KLF17: variants seen among roughly 807,000 people sequenced by gnomAD.
KLF17 encodes KLF transcription factor 17, also known as Krueppel-like factor 17.
In KLF17, 31 loss-of-function variants were observed where a neutral mutation model predicts 34.2. The ratio of observed to expected loss-of-function variants is 0.91; its 90% CI spans 0.68 to 1.22. The LOEUF (loss-of-function observed/expected upper bound fraction) is 1.22, where lower values mean the gene tolerates loss of function less well. KLF17 is among the 50% of genes most tolerant of loss of function. The pLI, the probability that KLF17 is intolerant of heterozygous loss-of-function variation, is 0.00. For synonymous variants in KLF17, 179 were observed against 186.7 expected, an observed-to-expected ratio of 0.96 and a Z score of 0.34; for missense variants, 478 against 505.2, an observed-to-expected ratio of 0.95 and a Z score of 0.52.
At chr1:44,091,587 C>T in the KLF17 span, among the ~76,000 whole-genome samples, 131 of 128,048 alleles carry the variant, frequency 1.0e-3, 2 homozygotes, top group East Asian at 0.029. Context: ...ACCTGGGAGG[C>T]GGAGGTTGCA....
At chr1:44,131,465 C>T (rs529727854) in intron 3 of KLF17, among the ~76,000 whole-genome samples, 71 of 152,266 alleles carry the variant, frequency 4.7e-4, no homozygotes, top group African/African-American at 1.7e-3. Flanking sequence ...ATCCATGTGA[C>T]CTTGAGAAAG....
intron 1 of KLF17, among the ~76,000 whole-genome samples, chr1:44,123,328 C>T (rs1232912215): frequency 6.6e-6 from 1 of 152,154 alleles, no homozygotes; most frequent in Non-Finnish European, 1.5e-5. Context: ...TCTCAAAATG[C>T]TCAGCCTGTA....
the KLF17 span, among the ~76,000 whole-genome samples, chr1:44,074,081 T>G: frequency 2.0e-5 from 3 of 151,920 alleles, no homozygotes; most frequent in Non-Finnish European, 4.4e-5. Flanking sequence ...CATGCTCAGT[T>G]CTCATTCTAC....
chr1:44,126,773 G>A (rs1290932827), intron 1 of KLF17, among the ~76,000 whole-genome samples: 2 of 152,114 alleles, frequency 1.3e-5, no homozygotes, highest in Non-Finnish European at 2.9e-5. Flanking sequence ...AGGCTCTAGA[G>A]GCACACGTTG....
the KLF17 span, among the ~76,000 whole-genome samples, chr1:44,072,388 G>A: frequency 6.6e-6 from 1 of 152,078 alleles, no homozygotes; most frequent in East Asian, 1.9e-4. Flanking sequence ...TGTGTGGGTG[G>A]TATTTAAAAC....
the KLF17 span, among the ~76,000 whole-genome samples, chr1:44,067,736 G>A: frequency 6.6e-5 from 10 of 152,244 alleles, no homozygotes; most frequent in Middle Eastern, 6.8e-3. Flanking sequence ...GCAGCTCACT[G>A]TCACAGCAAC....
the KLF17 span, among the ~76,000 whole-genome samples, chr1:44,083,895 A>G: frequency 1.3e-5 from 2 of 151,948 alleles, no homozygotes; most frequent in African/African-American, 4.8e-5. Flanking sequence ...GGTGGTGAGT[A>G]CAAGCCGGGA....
At chr1:44,061,990 C>T in the KLF17 span, among the ~76,000 whole-genome samples, 1 of 152,212 alleles carries the variant, frequency 6.6e-6, no homozygotes, top group African/African-American at 2.4e-5. Context: ...ATGGGGTAGC[C>T]CTGCTCTGCA....
intron 1 of KLF17, among the ~76,000 whole-genome samples, chr1:44,119,424 A>G (rs999652106): frequency 6.7e-6 from 1 of 148,714 alleles, no homozygotes; most frequent in Admixed American, 6.6e-5. Context: ...AAAAACCCCA[A>G]AAATGTTAAT....
intron 1 of KLF17, among the ~76,000 whole-genome samples, chr1:44,127,314 C>A (rs971947776): frequency 6.6e-6 from 1 of 152,224 alleles, no homozygotes; most frequent in East Asian, 1.9e-4. Flanking sequence ...CAAAGTAAAA[C>A]CTGTGAAACT....
the KLF17 span, among the ~76,000 whole-genome samples, chr1:44,109,167 C>T: frequency 1.3e-5 from 2 of 152,066 alleles, no homozygotes; most frequent in African/African-American, 4.8e-5. Flanking sequence ...ATGAGAAAAG[C>T]CTTAAATCTC....
the KLF17 span, among the ~76,000 whole-genome samples, chr1:44,111,689 C>T: frequency 2.6e-5 from 4 of 152,044 alleles, no homozygotes; most frequent in South Asian, 2.1e-4. Flanking sequence ...GTCAGGAGTT[C>T]GAGACTGTCC....
At chr1:44,099,913 GAAA>G in the KLF17 span, among the ~76,000 whole-genome samples, 18 of 57,638 alleles carry the variant, frequency 3.1e-4, 1 homozygote, top group Non-Finnish European at 5.7e-4. Context: ...AAGAAAGAAA[GAAA>G]GAAAAGAAAG....
At chr1:44,075,448 T>G in the KLF17 span, among the ~76,000 whole-genome samples, 6 of 152,216 alleles carry the variant, frequency 3.9e-5, no homozygotes, top group African/African-American at 1.4e-4. Flanking sequence ...ATTTGACTTA[T>G]AAGAAAGAAT....
Position 44,127,647 on chromosome 1 carries a change from TTTC to T in KLF17, c.82-1703_82-1701del, listed in dbSNP as rs1557731799. Among the ~76,000 whole-genome samples, 162 of 53,130 alleles carry T rather than the reference TTTC, an allele frequency of 3.0e-3. 4 individuals carry two copies. The highest frequency in any genetic ancestry group is 0.011 in the African/African-American group (127 of 11,230). 34.9% of individuals were successfully genotyped at this position (53,130 alleles called of 152,430 possible). A position where few individuals can be genotyped will look rare whatever the true frequency, so the allele number is the denominator to read the frequency against. ...TTCTTTTCTTTTCTTTCCTTCTTTC[TTTC>T]TTTCTTTCTTTCTTTCTTTCTTTCT... On this transcript the variant is annotated intron_variant, in intron 1 of 3. Transcript: ENST00000372299.
the KLF17 span, among the ~76,000 whole-genome samples, chr1:44,057,948 G>A: frequency 6.6e-6 from 1 of 152,190 alleles, no homozygotes; most frequent in East Asian, 1.9e-4. Context: ...CCATACAGGG[G>A]ACTGAAATAT....
chr1:44,099,619 G>T, the KLF17 span, among the ~76,000 whole-genome samples: 612 of 151,586 alleles, frequency 4.0e-3, 5 homozygotes, highest in Non-Finnish European at 5.9e-3. Context: ...TTCGAGACCA[G>T]CCTGGCCAAC....
the KLF17 span, among the ~76,000 whole-genome samples, chr1:44,097,644 A>G: frequency 6.6e-6 from 1 of 152,142 alleles, no homozygotes. Context: ...GGTATATTCT[A>G]GTACTATGCT....
At chr1:44,078,984 C>T in the KLF17 span, among the ~76,000 whole-genome samples, 1 of 152,104 alleles carries the variant, frequency 6.6e-6, no homozygotes, top group Non-Finnish European at 1.5e-5. Flanking sequence ...CGTGCCTGGC[C>T]CCTCCATGTC....
Sources: gnomAD v4.1 joint callset for allele counts (sites outside exome capture counted in the v4.1 genomes callset) on GRCh38, gnomAD v4.1.1 for gene constraint, MANE v1.5 for transcripts, NCBI Gene and HGNC (gene_info 2026-07-23, HGNC 2026-07-21) for gene names.